FTCDNL1: variants seen among roughly 807,000 people sequenced by gnomAD.
The protein encoded by FTCDNL1 is formiminotransferase N-terminal subdomain-containing protein.
A neutral mutation model predicts 5.9 loss-of-function variants in FTCDNL1; 11 were observed. That is an observed-to-expected ratio of 1.87 (90% CI 1.18 to 3.10). The LOEUF (loss-of-function observed/expected upper bound fraction) is 3.10. Among genes scored for constraint, FTCDNL1 ranks in the 30% most tolerant of loss-of-function variants. The pLI is 0.00. For missense variants in FTCDNL1, 115 were observed against 65.5 expected (o/e 1.76, Z -2.61); for synonymous variants, 58 against 24.8 (o/e 2.34, Z -3.99).
intron 1 of FTCDNL1, among the ~76,000 whole-genome samples, chr2:199,850,022 T>C (rs1189779783): frequency 6.6e-6 from 1 of 152,218 alleles, no homozygotes; most frequent in African/African-American, 2.4e-5. Context: ...AAAAGTGCTC[T>C]GGTGCAAATA....
At chr2:199,766,167 T>C (rs1250700629) in intron 3 of FTCDNL1, among the ~76,000 whole-genome samples, 1 of 152,228 alleles carries the variant, frequency 6.6e-6, no homozygotes, top group Admixed American at 6.5e-5. Context: ...TAAAGTGGCA[T>C]TATAAGTGCA....
intron 1 of FTCDNL1, among the ~76,000 whole-genome samples, chr2:199,850,388 A>G (rs1435219594): frequency 3.9e-5 from 6 of 152,342 alleles, no homozygotes; most frequent in East Asian, 3.9e-4. Flanking sequence ...CTTTTTAACA[A>G]ATGGTGTTTA....
At chr2:199,836,006 CTCCTAAT>C (rs1702712350) in intron 3 of FTCDNL1, among the ~76,000 whole-genome samples, 1 of 152,086 alleles carries the variant, frequency 6.6e-6, no homozygotes, top group Admixed American at 6.5e-5. Flanking sequence ...GGGGAGGGGG[CTCCTAAT>C]TTTTAGCTGT....
chr2:199,684,825 A>T, the FTCDNL1 span, among the ~76,000 whole-genome samples: 1 of 152,228 alleles, frequency 6.6e-6, no homozygotes, highest in East Asian at 1.9e-4. Flanking sequence ...CTTTCTGGAA[A>T]TTATAATTCA....
downstream of FTCDNL1, among the ~76,000 whole-genome samples, chr2:199,757,188 C>T (rs965148984): frequency 6.6e-6 from 1 of 152,136 alleles, no homozygotes; most frequent in African/African-American, 2.4e-5. Context: ...GGGAAAAGTC[C>T]ATAACACAGG....
chr2:199,701,059 GAACT>G, the FTCDNL1 span, among the ~76,000 whole-genome samples: 1 of 151,962 alleles, frequency 6.6e-6, no homozygotes, highest in Non-Finnish European at 1.5e-5. Context: ...TTTCTAAACA[GAACT>G]AACATCAGAA....
chr2:199,824,647 T>C (rs907005455), intron 3 of FTCDNL1, among the ~76,000 whole-genome samples: 1 of 152,180 alleles, frequency 6.6e-6, no homozygotes, highest in African/African-American at 2.4e-5. Flanking sequence ...TTAAAGGCCA[T>C]TGTTGGGTTA....
chr2:199,744,321 T>G, the FTCDNL1 span, among the ~76,000 whole-genome samples: 1 of 152,058 alleles, frequency 6.6e-6, no homozygotes, highest in Admixed American at 6.6e-5. Context: ...GGCAGGTAAT[T>G]AAGATTAAAT....
chr2:199,822,613 C>T (rs979689370), intron 3 of FTCDNL1, among the ~76,000 whole-genome samples: 8 of 152,158 alleles, frequency 5.3e-5, no homozygotes, highest in African/African-American at 1.9e-4. Flanking sequence ...ACGAAAATTT[C>T]TCTGTAGCAT....
intron 3 of FTCDNL1, among the ~76,000 whole-genome samples, chr2:199,825,946 A>T (rs1051565818): frequency 6.6e-6 from 1 of 151,054 alleles, no homozygotes; most frequent in Non-Finnish European, 1.5e-5. Flanking sequence ...CTAAATTCTG[A>T]CAACTCTCCA....
chr2:199,675,386 A>G, the FTCDNL1 span, among the ~76,000 whole-genome samples: 1 of 152,184 alleles, frequency 6.6e-6, no homozygotes, highest in African/African-American at 2.4e-5. Flanking sequence ...TTATGATGCA[A>G]TATTCAATAT....
At chr2:199,737,131 A>G in the FTCDNL1 span, among the ~76,000 whole-genome samples, 1 of 152,216 alleles carries the variant, frequency 6.6e-6, no homozygotes, top group Admixed American at 6.5e-5. Context: ...AGAACTCTGG[A>G]AACAATTACC....
At chr2:199,744,644 T>C in the FTCDNL1 span, among the ~76,000 whole-genome samples, 1 of 152,226 alleles carries the variant, frequency 6.6e-6, no homozygotes, top group Non-Finnish European at 1.5e-5. Context: ...TATTCTGTTA[T>C]GGCAGCCAGA....
At chr2:199,764,862 G>A (rs752219519) in intron 3 of FTCDNL1, among the ~76,000 whole-genome samples, 11 of 152,044 alleles carry the variant, frequency 7.2e-5, no homozygotes, top group Non-Finnish European at 1.5e-4. Flanking sequence ...TCCTGCACCC[G>A]CTTCCCTACT....
intron 3 of FTCDNL1, among the ~76,000 whole-genome samples, chr2:199,766,211 G>T (rs1414983634): frequency 1.3e-5 from 2 of 152,216 alleles, no homozygotes; most frequent in African/African-American, 2.4e-5. Context: ...GTATTAAATT[G>T]TGTGGTTTGA....
the FTCDNL1 span, among the ~76,000 whole-genome samples, chr2:199,666,388 C>T: frequency 6.6e-6 from 1 of 152,152 alleles, no homozygotes; most frequent in African/African-American, 2.4e-5. Context: ...CAACTGTATA[C>T]TCTAAACAAA....
intron 3 of FTCDNL1, among the ~76,000 whole-genome samples, chr2:199,771,484 G>T (rs996412451): frequency 9.9e-5 from 15 of 152,090 alleles, no homozygotes; most frequent in African/African-American, 3.1e-4. Flanking sequence ...CTTTGAACAA[G>T]AATTCATGAT....
intron 3 of FTCDNL1, among the ~76,000 whole-genome samples, chr2:199,796,778 T>C: frequency 6.8e-6 from 1 of 147,742 alleles, no homozygotes; most frequent in East Asian, 2.0e-4. Context: ...AAAAAAAAAA[T>C]CCCATACAAT....
At chr2:199,797,939 G>C (rs974288683) in intron 3 of FTCDNL1, among the ~76,000 whole-genome samples, 2 of 152,180 alleles carry the variant, frequency 1.3e-5, no homozygotes, top group Non-Finnish European at 2.9e-5. Context: ...AACAGGAAGA[G>C]GCATGAGGAG....
Sources: gnomAD v4.1 joint callset for allele counts (sites outside exome capture counted in the v4.1 genomes callset) on GRCh38, gnomAD v4.1.1 for gene constraint, MANE v1.5 for transcripts, NCBI Gene and HGNC (gene_info 2026-07-23, HGNC 2026-07-21) for gene names.